UMAD1: variants seen among roughly 807,000 people sequenced by gnomAD.
UMAD1 encodes UBAP1-MVB12-associated (UMA)-domain containing protein 1.
Under a neutral mutation model 6.1 loss-of-function variants are expected in UMAD1, and 8 were observed. That is an observed-to-expected ratio of 1.30 (90% CI 0.76 to 2.35). The LOEUF (loss-of-function observed/expected upper bound fraction) is 2.35, where lower values mean the gene tolerates loss of function less well. Ranked by LOEUF, UMAD1 falls within the 30% of genes most tolerant of loss-of-function variation. The pLI, the probability that UMAD1 is intolerant of heterozygous loss-of-function variation, is 0.00. For synonymous variants in UMAD1, 56 were observed against 31.4 expected (o/e 1.78, Z -2.61); for missense variants, 130 against 78.4 (o/e 1.66, Z -2.49).
intron 2 of UMAD1, among the ~76,000 whole-genome samples, chr7:7,700,452 G>A (rs113678214): frequency 0.019 from 2,847 of 152,246 alleles, 87 homozygotes; most frequent in African/African-American, 0.065. Context: ...CAGGCTGGGT[G>A]CAGTGGCTCA....
intron 2 of UMAD1, among the ~76,000 whole-genome samples, chr7:7,769,787 G>A (rs557735374): frequency 6.6e-6 from 1 of 152,296 alleles, no homozygotes; most frequent in Admixed American, 6.5e-5. Context: ...TCTAGGAGAG[G>A]AAGAGGGACT....
At position 7,721,606 on chromosome 7, in the gene UMAD1, T is replaced by C. The variant is rs1277639969; in HGVS notation, c.82+48153T>C. On this transcript the variant is annotated intron_variant, in intron 2 of 3. Coordinates refer to ENST00000682710, the MANE Select transcript of UMAD1 (RefSeq NM_001302348.2). ...AACTGTCACTTTTATGATCTTCTAC[T>C]GGAATGAAAACTCACTTCCACCCCA... Among the ~76,000 whole-genome samples, 9 of 152,308 alleles carry C rather than the reference T, an allele frequency of 5.9e-5. No individual in the cohort carries two copies. The South Asian group carries it at 1.9e-3, about 32-fold the overall frequency.
chr7:7,787,594 A>G lies in UMAD1; in HGVS notation c.83-14076A>G, dbSNP rs574290329. On this transcript the variant is annotated intron_variant, in intron 2 of 3. Transcript: ENST00000682710. ...GTTATTTACCTCAAACTCCATTGTA[A>G]CTATGCAGAACCCAGTAAAATCTCT... Among the ~76,000 whole-genome samples, 7 of 152,330 alleles carry G rather than the reference A, an allele frequency of 4.6e-5. No homozygotes were observed. The South Asian group carries it at 1.4e-3, about 32-fold the overall frequency.
chr7:7,806,015 A>T (rs1782906654), intron 3 of UMAD1, among the ~76,000 whole-genome samples: 1 of 152,184 alleles, frequency 6.6e-6, no homozygotes, highest in African/African-American at 2.4e-5. Context: ...GATCATCTAG[A>T]TTTTATTTAA....
At chr7:7,777,597 A>G (rs1782241449) in intron 2 of UMAD1, among the ~76,000 whole-genome samples, 1 of 145,590 alleles carries the variant, frequency 6.9e-6, no homozygotes, top group Non-Finnish European at 1.5e-5. Flanking sequence ...ATATATATAT[A>G]TATATGTAAT....
chr7:7,698,829 T>C (rs1045594751), intron 2 of UMAD1, among the ~76,000 whole-genome samples: 2 of 152,014 alleles, frequency 1.3e-5, no homozygotes, highest in Non-Finnish European at 2.9e-5. Context: ...ACCATGACAT[T>C]TCTGGCTGTG....
chr7:7,650,228 A>G (rs1381725804), intron 1 of UMAD1, among the ~76,000 whole-genome samples: 1 of 152,186 alleles, frequency 6.6e-6, no homozygotes, highest in Non-Finnish European at 1.5e-5. Context: ...CTGCCTAGAC[A>G]TTATTATTGC....
At chr7:7,746,718 G>A (rs938409038) in intron 2 of UMAD1, among the ~76,000 whole-genome samples, 3 of 152,200 alleles carry the variant, frequency 2.0e-5, no homozygotes, top group African/African-American at 7.2e-5. Context: ...TGCAGAATGT[G>A]GCAGAATGCC....
chr7:7,806,770 T>C (rs1003855852), intron 3 of UMAD1, among the ~76,000 whole-genome samples: 6 of 152,162 alleles, frequency 3.9e-5, no homozygotes, highest in African/African-American at 1.4e-4. Context: ...GATTAAGAAA[T>C]CATAACTATT....
At chr7:7,656,681 G>A (rs1439334933) in intron 1 of UMAD1, among the ~76,000 whole-genome samples, 2 of 152,182 alleles carry the variant, frequency 1.3e-5, no homozygotes, top group Non-Finnish European at 2.9e-5. Flanking sequence ...ATTCCATGGT[G>A]TATATGTGCC....
intron 1 of UMAD1, among the ~76,000 whole-genome samples, chr7:7,671,805 A>C (rs548904523): frequency 6.6e-6 from 1 of 152,004 alleles, no homozygotes; most frequent in East Asian, 1.9e-4. Context: ...ACTGTTTTCA[A>C]ACTTTTCTTT....
At chr7:7,827,137 A>ATGTGTGTGTGTGTGTG (rs374866603) in intron 3 of UMAD1, among the ~76,000 whole-genome samples, 13 of 129,602 alleles carry the variant, frequency 1.0e-4, no homozygotes, top group South Asian at 2.6e-4. Context: ...ATATATATAT[A>ATGTGTGTGTGTGTGTG]TATATATATA....
intron 2 of UMAD1, among the ~76,000 whole-genome samples, chr7:7,758,929 G>T (rs2115228611): frequency 6.6e-6 from 1 of 152,162 alleles, no homozygotes; most frequent in Admixed American, 6.5e-5. Context: ...TTGTAGCTTT[G>T]GTTTTGTTGT....
Position 7,711,399 on chromosome 7 carries a change from T to C in UMAD1, c.82+37946T>C, listed in dbSNP as rs367886624. Among the ~76,000 whole-genome samples the C allele has an allele frequency of 3.9e-5, 6 of 152,314 alleles. No individual in the cohort carries two copies. The East Asian group carries it at 9.6e-4, about 24-fold the overall frequency. The stretch of plus-strand genomic sequence containing the variant: ...CTATGCACATGTTAACTTTAGTAAA[T>C]CATGGCAAATTTTTTTCCCAAGTGG... On this transcript the variant is annotated intron_variant, in intron 2 of 3. Transcript: ENST00000682710.
At chr7:7,787,836 C>G (rs1782488629) in intron 2 of UMAD1, among the ~76,000 whole-genome samples, 1 of 152,192 alleles carries the variant, frequency 6.6e-6, no homozygotes, top group Non-Finnish European at 1.5e-5. Context: ...GATTGTAGAT[C>G]TCTCCTTAAG....
intron 3 of UMAD1, among the ~76,000 whole-genome samples, chr7:7,831,317 A>T (rs1783462550): frequency 1.3e-5 from 2 of 152,322 alleles, no homozygotes; most frequent in South Asian, 2.1e-4. Context: ...TGGAAGTACC[A>T]TTCATTGGTG....
intron 3 of UMAD1, among the ~76,000 whole-genome samples, chr7:7,843,221 G>C (rs1783716433): frequency 2.0e-5 from 3 of 152,158 alleles, no homozygotes; most frequent in African/African-American, 7.2e-5. Context: ...TTTGTGAAAG[G>C]TCAATTGCTT....
intron 3 of UMAD1, among the ~76,000 whole-genome samples, chr7:7,838,911 A>T (rs1783622898): frequency 6.6e-6 from 1 of 152,210 alleles, no homozygotes; most frequent in African/African-American, 2.4e-5. Context: ...AAATATATAG[A>T]TATATTGATC....
chr7:7,649,018 C>T (rs1184443155), intron 1 of UMAD1, among the ~76,000 whole-genome samples: 4 of 151,822 alleles, frequency 2.6e-5, no homozygotes, highest in Non-Finnish European at 4.4e-5. Context: ...ATTAGCCAGG[C>T]ATGGTGGCGG....
Sources: allele counts gnomAD v4.1 joint callset (sites outside exome capture counted in the v4.1 genomes callset), GRCh38; gene constraint gnomAD v4.1.1; transcripts MANE v1.5; gene names NCBI Gene and HGNC (gene_info 2026-07-23, HGNC 2026-07-21).